The following C2 variants were observed in gnomAD, a reference collection of about 807,000 sequenced individuals.
C2 encodes the protein C3/C5 convertase.
Under a neutral mutation model 85.2 loss-of-function variants are expected in C2, and 64 were observed. The observed-to-expected ratio is 0.75, with a 90% CI of 0.61 to 0.92. The LOEUF (loss-of-function observed/expected upper bound fraction) is 0.92, where lower values mean the gene tolerates loss of function less well. C2 is among the 40% of genes least tolerant of loss of function. The probability of loss-of-function intolerance (pLI) is 0.00; values close to 1 mark genes in which losing one functional copy is unlikely to be tolerated. For synonymous variants in C2, 311 were observed against 370.8 expected (o/e 0.84, Z 1.85); for missense variants, 820 against 971.6 (o/e 0.84, Z 2.07).
chr6:31,943,382 C>T lies in C2; in HGVS notation c.1456-34C>T. 6.2e-7 allele frequency: 1 copy of T among 1,609,094 alleles called. No homozygotes were observed. On this transcript the variant is annotated intron_variant, in intron 11 of 17. Transcript: ENST00000299367. This position sits in a 1 kb window ranked among gnomAD's most constrained non-coding sequence, Gnocchi z 6.4. ...TAAAAGCGGCCATGGGCCAGACATA[C>T]TGCAATCTCTGAAAATCACCTGTTC...
chr6:31,897,978 G>A, upstream of C2: 1 of 942,902 alleles, frequency 1.1e-6, no homozygotes, highest in South Asian at 5.0e-5. Context: ...TCGGCTCTCG[G>A]CAGCGGCTGT....
chr6:31,911,248 G>A (rs1471350985), intron 1 of C2, among the ~76,000 whole-genome samples: 1 of 151,826 alleles, frequency 6.6e-6, no homozygotes, highest in Non-Finnish European at 1.5e-5. Context: ...GCAGTGAGCC[G>A]AGATGGCGCC....
intron 1 of C2, among the ~76,000 whole-genome samples, chr6:31,910,053 G>T (rs1392004760): frequency 6.6e-6 from 1 of 150,570 alleles, no homozygotes; most frequent in Non-Finnish European, 1.5e-5. Context: ...GCTAATTTTT[G>T]TATTTATAGT....
chr6:31,903,005 C>G (rs1767470613), intron 1 of C2, among the ~76,000 whole-genome samples: 1 of 152,140 alleles, frequency 6.6e-6, no homozygotes, highest in Non-Finnish European at 1.5e-5. Context: ...AACACTGCGC[C>G]CGGGCCTTCT....
At chr6:31,924,439 C>T (rs1393820334), upstream of C2, among the ~76,000 whole-genome samples, 2 of 152,058 alleles carry the variant, frequency 1.3e-5, no homozygotes, top group African/African-American at 4.8e-5. Context: ...GTGGCTGTTC[C>T]AGAGTCCACC....
rs1273776295 is a variant in C2, at chr6:31,934,149, C to T, written c.716-17C>T. 6.2e-7 allele frequency: 1 copy of T among 1,614,102 alleles called. No homozygotes were observed. The highest frequency in any genetic ancestry group is 1.7e-5 in the Admixed American group (1 of 60,024). On this transcript the variant is annotated splice_polypyrimidine_tract_variant and intron_variant, in intron 5 of 17. Coordinates refer to ENST00000299367, the MANE Select transcript of C2 (RefSeq NM_000063.6). Reference sequence around the variant, plus strand: ...AGGAGGTGGGGATCTGAATCCTCCCCTTCCACATTTCTCCAGAAAGCCTGG... The same window carrying T: ...AGGAGGTGGGGATCTGAATCCTCCCTTTCCACATTTCTCCAGAAAGCCTGG...
upstream of C2, among the ~76,000 whole-genome samples, chr6:31,915,116 C>A (rs1223197848): frequency 6.6e-6 from 1 of 152,208 alleles, no homozygotes; most frequent in Non-Finnish European, 1.5e-5. Flanking sequence ...CTTAACTGGT[C>A]TTCCAGCCCC....
At chr6:31,934,708 G>A in intron 6 of C2, 1 of 1,190,666 alleles carries the variant, frequency 8.4e-7, no homozygotes, top group African/African-American at 1.6e-5. Flanking sequence ...TTTTGTGCAG[G>A]CTTTAAAATG....
In C2 at chr6:31,943,245, A is replaced by G; in HGVS notation, c.1381A>G (p.Thr461Ala). 3 of 1,612,958 alleles carry G rather than the reference A, an allele frequency of 1.9e-6. No homozygotes were observed. The highest frequency in any genetic ancestry group is 2.5e-6 in the Non-Finnish European group (3 of 1,179,988). ...HMLDVSKLTD[T>A]ICGVGNMSAN... ...CACAGATGTCTCCAAGCTCACAGACACCATCTGCGGGGTGGGGAACATGTC... is the reference window on the plus strand; with the variant it reads ...CACAGATGTCTCCAAGCTCACAGACGCCATCTGCGGGGTGGGGAACATGTC... The change falls in exon 11 of 18, where the codon ACC (threonine) becomes GCC (alanine). Residue 461 changes from threonine to alanine, a missense_variant. Physicochemically the swap from Thr to Ala is moderately conservative, Grantham distance 58. Coordinates refer to ENST00000299367, the MANE Select transcript of C2 (RefSeq NM_000063.6). The surrounding 1 kb of genome is among the most constrained non-coding windows in gnomAD (Gnocchi z 6.4).
Position 31,945,350 on chromosome 6 carries a change from C to T in C2, c.2252C>T (p.Pro751Leu). The change falls in exon 18 of 18, where the codon CCC becomes CTC. Residue 751 changes from proline to leucine, a missense_variant. By Grantham distance (98) the Pro-to-Leu change is moderately conservative (BLOSUM62 -3). Coordinates refer to ENST00000299367, the MANE Select transcript of C2 (RefSeq NM_000063.6). This position sits in a 1 kb window ranked among gnomAD's most constrained non-coding sequence, Gnocchi z 5.3. ...QHLGDVLNFL[P>L]L ...CTGGGGGATGTCCTGAATTTTTTACCCCTCTAGCCATGGCCACTGAGCCCT... is the reference window on the plus strand; with the variant it reads ...CTGGGGGATGTCCTGAATTTTTTACTCCTCTAGCCATGGCCACTGAGCCCT... The T allele has an allele frequency of 1.9e-6, 3 of 1,612,888 alleles. No homozygotes were observed. The highest frequency in any genetic ancestry group is 1.7e-6 in the Non-Finnish European group (2 of 1,179,978).
At chr6:31,908,896 A>G (rs893309590) in intron 1 of C2, among the ~76,000 whole-genome samples, 1 of 152,092 alleles carries the variant, frequency 6.6e-6, no homozygotes, top group Non-Finnish European at 1.5e-5. Flanking sequence ...TACAGTGTAA[A>G]CATAACTTGT....
Position 31,945,264 on chromosome 6 carries a change from C to G in C2, c.2166C>G (p.Val722=). The part of the protein sequence containing the change: ...NSRKRAPRSK[V]PPPRDFHINL... ...GCAAAAGGGCCCCTCGTAGCAAGGT[C>G]CCGCCGCCACGAGACTTTCACATCA... is the stretch of plus-strand genomic sequence containing the variant. The change falls in exon 18 of 18, where the codon GTC becomes GTG. Residue 722 remains valine, a synonymous_variant. Transcript: ENST00000299367. This position sits in a 1 kb window ranked among gnomAD's most constrained non-coding sequence, Gnocchi z 5.3. 2 of 1,612,996 alleles carry G rather than the reference C, an allele frequency of 1.2e-6. No homozygotes were observed. The highest frequency in any genetic ancestry group is 1.7e-6 in the Non-Finnish European group (2 of 1,179,984).
chr6:31,945,132 G>A lies in C2; in HGVS notation c.2080-46G>A. 1 of 1,611,700 alleles carries A rather than the reference G, an allele frequency of 6.2e-7. No individual in the cohort carries two copies. Among genetic ancestry groups the A allele is most frequent in the African/African-American group, 1.3e-5 (1 of 74,966 alleles). ...GGATCTAGGGAGGTTGGGGCTTACA[G>A]TTGGGGCTGTGGCAGCCTCCCAGCC... On this transcript the variant is annotated intron_variant, in intron 17 of 17. Coordinates refer to ENST00000299367, the MANE Select transcript of C2 (RefSeq NM_000063.6). This position sits in a 1 kb window ranked among gnomAD's most constrained non-coding sequence, Gnocchi z 5.3.
At position 31,944,320 on chromosome 6, in the gene C2, G is replaced by A. The variant is rs1409868758; in HGVS notation, c.1902+94G>A. On this transcript the variant is annotated intron_variant, in intron 15 of 17. Coordinates refer to ENST00000299367, the MANE Select transcript of C2 (RefSeq NM_000063.6). The surrounding 1 kb of genome is among the most constrained non-coding windows in gnomAD (Gnocchi z 5.1). ...CCAGGTCTGGCTGCTTTCTCTCTCT[G>A]ACGCGGGTCACCCCTCCTCCCAAGC... 5.7e-5 allele frequency: 51 copies of A among 900,490 alleles called. No homozygotes were observed. Among genetic ancestry groups the A allele is most frequent in the Non-Finnish European group, 9.0e-5 (49 of 543,086 alleles). 55.8% of individuals were successfully genotyped at this position (900,490 alleles called of 1,614,324 possible).
At chr6:31,907,625 C>T (rs971504595) in intron 1 of C2, among the ~76,000 whole-genome samples, 11 of 145,540 alleles carry the variant, frequency 7.6e-5, no homozygotes, top group Non-Finnish European at 1.4e-4. Flanking sequence ...TTTGCTCAGG[C>T]TGGAGTACAG....
intron 1 of C2, among the ~76,000 whole-genome samples, chr6:31,908,651 CAAA>C (rs769417085): frequency 2.8e-5 from 3 of 106,392 alleles, no homozygotes; most frequent in Admixed American, 1.0e-4. Context: ...GACTTCATCT[CAAA>C]AAAAAAAAAA....
chr6:31,911,756 A>C (rs1421223847), intron 1 of C2, among the ~76,000 whole-genome samples: 1 of 151,312 alleles, frequency 6.6e-6, no homozygotes, highest in Non-Finnish European at 1.5e-5. Context: ...CAGCCTCCCA[A>C]GTAGCTGGGA....
At chr6:31,942,115 T>C (rs1770934789) in intron 9 of C2, among the ~76,000 whole-genome samples, 1 of 148,700 alleles carries the variant, frequency 6.7e-6, no homozygotes, top group African/African-American at 2.5e-5. Flanking sequence ...CGTGCCCGGC[T>C]CACCTCTTCT....
chr6:31,898,121 G>T (rs1427311793), upstream of C2, among the ~76,000 whole-genome samples: 1 of 152,204 alleles, frequency 6.6e-6, no homozygotes, highest in East Asian at 1.9e-4. Context: ...AGCACGAAGG[G>T]GCGATAGGGA....
Sources: gnomAD v4.1 joint callset for allele counts (sites outside exome capture counted in the v4.1 genomes callset) on GRCh38, gnomAD v4.1.1 for gene constraint, Gnocchi (gnomAD v3.1) non-coding constraint, MANE v1.5 for transcripts, NCBI Gene and HGNC (gene_info 2026-07-23, HGNC 2026-07-21) for gene names.